CAP1: variants seen among roughly 807,000 people sequenced by gnomAD.
The protein encoded by CAP1 is cyclase associated actin cytoskeleton regulatory protein 1.
Under a neutral mutation model 58.2 loss-of-function variants are expected in CAP1, and 11 were observed. The observed-to-expected ratio is 0.19, with a 90% CI of 0.12 to 0.31. CAP1 has a LOEUF of 0.31. CAP1 is among the 10% of genes least tolerant of loss of function. CAP1 has a pLI of 1.00. For synonymous variants in CAP1, 183 were observed against 213.8 expected, an observed-to-expected ratio of 0.86 and a Z score of 1.26; for missense variants, 423 against 587.5, an observed-to-expected ratio of 0.72 and a Z score of 2.89.
chr1:40,054,790 G>A (rs767912153), intron 1 of CAP1, among the ~76,000 whole-genome samples: 7 of 152,160 alleles, frequency 4.6e-5, no homozygotes, highest in Non-Finnish European at 7.4e-5. Context: ...CATAGCATGC[G>A]CCACCATGCC....
In CAP1 at chr1:40,070,851, C is replaced by A; in HGVS notation, c.1216C>A (p.Pro406Thr). Residue 406 changes from proline to threonine, a missense_variant, in exon 12 of 13, where the codon CCA (proline) becomes ACA (threonine). Coordinates refer to ENST00000372805, the MANE Select transcript of CAP1 (RefSeq NM_006367.4). Reference sequence around the variant, plus strand: ...TACTCTGCAGGTAATGGGTAAAGTGCCAACCATATCCATCAACAAAACAGA... The same window carrying A: ...TACTCTGCAGGTAATGGGTAAAGTGACAACCATATCCATCAACAAAACAGA... ...DVKVQVMGKVPTISINKTDGC... is the reference protein window; with the variant it reads ...DVKVQVMGKVTTISINKTDGC... The A allele has an allele frequency of 6.2e-7, 1 of 1,611,904 alleles. No homozygotes were observed. Among genetic ancestry groups the A allele is most frequent in the Non-Finnish European group, 8.5e-7 (1 of 1,179,414 alleles).
intron 3 of CAP1, among the ~76,000 whole-genome samples, chr1:40,061,202 G>A (rs1646836898): frequency 6.7e-6 from 1 of 150,360 alleles, no homozygotes; most frequent in African/African-American, 2.5e-5. Context: ...TGAAGTTGGT[G>A]CACTGCACTC....
At chr1:40,045,278 T>C (rs1399486673) in intron 1 of CAP1, among the ~76,000 whole-genome samples, 2 of 152,202 alleles carry the variant, frequency 1.3e-5, no homozygotes, top group Non-Finnish European at 1.5e-5. Context: ...GTAGCTATGA[T>C]TGTACAATGT....
intron 11 of CAP1, 150 bp downstream of exon 11, chr1:40,070,662 C>G: frequency 1.1e-6 from 1 of 921,668 alleles, no homozygotes; most frequent in Non-Finnish European, 1.7e-6. Flanking sequence ...AGGGTTGGCT[C>G]TTCAAGCAAG....
At position 40,049,178 on chromosome 1, in the gene CAP1, A is replaced by ATTTTTTTTTTTTTTTTTTTTTTTT. The variant is rs72214452; in HGVS notation, c.-11+8380_-11+8403dup. ...TGGCAGGAATCACTAGCCATTTCTA[A>ATTTTTTTTTTTTTTTTTTTTTTTT]TTTTTTTTTTTTTTTTTTTTTTTTT... is the stretch of plus-strand genomic sequence containing the variant. On this transcript the variant is annotated intron_variant, in intron 1 of 12. Transcript: ENST00000372805. Among the ~76,000 whole-genome samples the ATTTTTTTTTTTTTTTTTTTTTTTT allele has an allele frequency of 1.8e-4, 15 of 84,886 alleles. 1 individual carries two copies. The highest frequency in any genetic ancestry group is 2.7e-4 in the Non-Finnish European group (13 of 47,986). 55.7% of individuals were successfully genotyped at this position (84,886 alleles called of 152,430 possible).
chr1:40,040,737 T>G lies in CAP1; in HGVS notation c.-75T>G, dbSNP rs906378990. 1 of 152,950 alleles carries G rather than the reference T, an allele frequency of 6.5e-6. No homozygotes were observed. The highest frequency in any genetic ancestry group is 1.5e-5 in the Non-Finnish European group (1 of 68,274). The allele number at this position is 152,950 out of a possible 1,614,324, so 9.5% of individuals were successfully genotyped here. A position where few individuals can be genotyped will look rare whatever the true frequency, so the allele number is the denominator to read the frequency against. On this transcript the variant is annotated 5_prime_UTR_variant, in exon 1 of 13. Transcript: ENST00000372805. ...CGGAAGTGGGTCGCGCGGAGATTGC[T>G]GGGCGGTTCTTGCCGGAAGCGGAGA...
chr1:40,041,595 T>C (rs1645833046), intron 1 of CAP1: 1 of 152,254 alleles, frequency 6.6e-6, no homozygotes, highest in Admixed American at 6.5e-5. Context: ...CAGCCTCCTT[T>C]TGTTCATCTT....
At chr1:40,045,075 C>T (rs887696901) in intron 1 of CAP1, among the ~76,000 whole-genome samples, 36 of 151,888 alleles carry the variant, frequency 2.4e-4, no homozygotes, top group Non-Finnish European at 4.9e-4. Flanking sequence ...TGAGCCACCG[C>T]GCCTGGCCAT....
chr1:40,050,495 C>T (rs1232388967), intron 1 of CAP1, among the ~76,000 whole-genome samples: 1 of 151,776 alleles, frequency 6.6e-6, no homozygotes, highest in African/African-American at 2.4e-5. Context: ...CTTGTCTCTA[C>T]TAAAAATACA....
intron 1 of CAP1, among the ~76,000 whole-genome samples, chr1:40,044,482 A>G (rs1645989612): frequency 6.6e-6 from 1 of 152,154 alleles, no homozygotes; most frequent in African/African-American, 2.4e-5. Flanking sequence ...CCTATACTTC[A>G]GTTTCTCTAT....
At chr1:40,066,011 ATCTT>A (rs1241472887) in intron 6 of CAP1, among the ~76,000 whole-genome samples, 200 bp from the exon 7 acceptor site, 1 of 152,180 alleles carries the variant, frequency 6.6e-6, no homozygotes, top group African/African-American at 2.4e-5. Context: ...CAGAGTCTCT[ATCTT>A]AGTGGAGTTT....
chr1:40,068,369 C>A (rs967947879), intron 8 of CAP1, among the ~76,000 whole-genome samples: 1 of 152,084 alleles, frequency 6.6e-6, no homozygotes, highest in Non-Finnish European at 1.5e-5. Flanking sequence ...CTCCCAGGTT[C>A]AAGCAATTCT....
intron 4 of CAP1, among the ~76,000 whole-genome samples, chr1:40,063,438 A>T (rs1570407654): frequency 6.6e-6 from 1 of 150,810 alleles, no homozygotes; most frequent in African/African-American, 2.4e-5. Context: ...TGGCCTCCCA[A>T]AGTGCTGGGA....
Position 40,072,222 on chromosome 1 carries a change from A to C in CAP1, c.*689A>C. 2.6e-6 allele frequency: 1 copy of C among 391,558 alleles called. No individual in the cohort carries two copies. Among genetic ancestry groups the C allele is most frequent in the Non-Finnish European group, 4.5e-6 (1 of 223,408 alleles). The allele number at this position is 391,558 out of a possible 1,614,324, so 24.3% of individuals were successfully genotyped here. On this transcript the variant is annotated 3_prime_UTR_variant, in exon 13 of 13. Transcript: ENST00000372805. ...CTTTCTTTCTCTGGGATCCCTGCCC[A>C]GCACCTTCCTATAGAGATGACTTTA...
At chr1:40,053,273 A>G (rs1646463179) in intron 1 of CAP1, among the ~76,000 whole-genome samples, 2 of 152,204 alleles carry the variant, frequency 1.3e-5, no homozygotes, top group Admixed American at 6.5e-5. Context: ...AAGACACCAT[A>G]AAGAGACCTT....
At position 40,064,366 on chromosome 1, in the gene CAP1, C is replaced by T; in HGVS notation, c.434C>T (p.Ala145Val). ...SESIQALGWVAMAPKPGPYVK... is the reference protein window; with the variant it reads ...SESIQALGWVVMAPKPGPYVK... ...AGTATCCAGGCCCTGGGCTGGGTGG[C>T]TATGGTGAGCAGCGCAGATTCCAGG... The change falls in exon 5 of 13, where the codon GCT becomes GTT. Residue 145 changes from alanine to valine, a missense_variant. Ala to Val is a moderately conservative substitution (Grantham distance 64, BLOSUM62 0). Transcript: ENST00000372805. The T allele has an allele frequency of 6.2e-7, 1 of 1,614,038 alleles. No homozygotes were observed. The highest frequency in any genetic ancestry group is 8.5e-7 in the Non-Finnish European group (1 of 1,180,004).
chr1:40,049,623 C>T (rs1204661319), intron 1 of CAP1, among the ~76,000 whole-genome samples: 1 of 152,152 alleles, frequency 6.6e-6, no homozygotes, highest in African/African-American at 2.4e-5. Flanking sequence ...GACTTCATGA[C>T]AGTTCTTTGC....
At position 40,070,242 on chromosome 1, in the gene CAP1, G is replaced by A. The variant is rs376842925; in HGVS notation, c.1077G>A (p.Thr359=). The part of the protein sequence containing the change: ...QVAYIYKCVN[T]TLQIKGKINS... ...CTTACATATACAAGTGTGTCAACAC[G>A]ACATTGCAAATCAAGGGCAAAATTA... The change falls in exon 10 of 13, where the codon ACG becomes ACA. Residue 359 remains threonine (T), a synonymous_variant. Coordinates refer to ENST00000372805, the MANE Select transcript of CAP1 (RefSeq NM_006367.4). 138 of 1,614,130 alleles carry A rather than the reference G, an allele frequency of 8.5e-5. No homozygotes were observed. In the South Asian group the frequency reaches 1.4e-3, roughly 17 times the overall value.
At chr1:40,052,034 A>C (rs1375775468) in intron 1 of CAP1, among the ~76,000 whole-genome samples, 1 of 152,164 alleles carries the variant, frequency 6.6e-6, no homozygotes, top group African/African-American at 2.4e-5. Flanking sequence ...TAGGCCCACA[A>C]TGCTAAGCAC....
Sources: allele counts gnomAD v4.1 joint callset (sites outside exome capture counted in the v4.1 genomes callset), GRCh38; gene constraint gnomAD v4.1.1; transcripts MANE v1.5; gene names NCBI Gene and HGNC (gene_info 2026-07-23, HGNC 2026-07-21).